Variants in ADTRP observed in about 807,000 individuals in gnomAD.
ADTRP encodes the protein androgen-dependent TFPI-regulating protein.
In ADTRP, 20 loss-of-function variants were observed where a neutral mutation model predicts 27.0. That is an observed-to-expected ratio of 0.74 (90% CI 0.52 to 1.08). The LOEUF (loss-of-function observed/expected upper bound fraction) is 1.08, where lower values mean the gene tolerates loss of function less well. Among genes scored for constraint, ADTRP ranks in the 50% least tolerant of loss-of-function variants. ADTRP has a pLI of 0.00. For missense variants in ADTRP, 251 were observed against 275.0 expected (o/e 0.91, Z 0.62); for synonymous variants, 101 against 105.2 (o/e 0.96, Z 0.25).
rs150229328 is a variant in ADTRP, at chr6:11,758,175, C to A, written c.390+8099G>T. Among the ~76,000 whole-genome samples the A allele has an allele frequency of 2.4e-4, 36 of 152,286 alleles. No homozygotes were observed. In the East Asian group the frequency reaches 6.9e-3, roughly 29 times the overall value. ...CATTCATTGGACCTTATTCTGCACT[C>A]TTTGACAGCATCTTGTGGCTTGTTC... On this transcript the variant is annotated intron_variant, in intron 3 of 5. Coordinates refer to ENST00000414691, the MANE Select transcript of ADTRP (RefSeq NM_032744.4).
At chr6:11,747,226 C>A (rs534180249) in intron 3 of ADTRP, among the ~76,000 whole-genome samples, 4 of 152,182 alleles carry the variant, frequency 2.6e-5, no homozygotes, top group South Asian at 4.1e-4. Flanking sequence ...CAGAATAATA[C>A]AATGTGGCTT....
chr6:11,743,889 C>T (rs1762788932), intron 3 of ADTRP, among the ~76,000 whole-genome samples: 2 of 152,216 alleles, frequency 1.3e-5, no homozygotes. Context: ...ACCCCACTTC[C>T]AGCTGGTGAC....
intron 3 of ADTRP, among the ~76,000 whole-genome samples, chr6:11,756,785 C>A (rs1253587075): frequency 3.0e-4 from 46 of 152,212 alleles, no homozygotes; most frequent in Non-Finnish European, 4.4e-5. Flanking sequence ...ATATTCTAGA[C>A]CCAGCTCTAT....
chr6:11,740,914 TA>T (rs1453627428), intron 3 of ADTRP, among the ~76,000 whole-genome samples: 2 of 152,188 alleles, frequency 1.3e-5, no homozygotes, highest in African/African-American at 4.8e-5. Flanking sequence ...CTATGGGACT[TA>T]AAAAACAACA....
Position 11,768,359 on chromosome 6 carries a change from C to T in ADTRP, c.178G>A (p.Val60Ile). ...TTCAGCACATCATCCAGGCAGGTGA[C>T]CCCGTAGAAAATGGTCTGCAAGAGC... ...NLLLQTIFYGVTCLDDVLKRT... is the reference protein window; with the variant it reads ...NLLLQTIFYGITCLDDVLKRT... Residue 60 changes from valine to isoleucine, a missense_variant, in exon 2 of 6, where the codon GTC becomes ATC. Transcript: ENST00000414691. 1 of 1,614,172 alleles carries T rather than the reference C, an allele frequency of 6.2e-7. No individual in the cohort carries two copies. The highest frequency in any genetic ancestry group is 1.6e-4 in the Middle Eastern group (1 of 6,062).
At position 11,741,048 on chromosome 6, in the gene ADTRP, C is replaced by T. The variant is rs57498237; in HGVS notation, c.391-5365G>A. On this transcript the variant is annotated intron_variant, in intron 3 of 5. Coordinates refer to ENST00000414691, the MANE Select transcript of ADTRP (RefSeq NM_032744.4). ...GGAACTCAAGTGCACAGGCTAGACA[C>T]TACTGTCATTAAAGAGTCAACATTA... Among the ~76,000 whole-genome samples the T allele has an allele frequency of 9.9e-3, 1,508 of 152,256 alleles. 23 individuals are homozygous for T. The highest frequency in any genetic ancestry group is 0.034 in the African/African-American group (1,391 of 41,518).
At chr6:11,752,911 C>A (rs79260876) in intron 3 of ADTRP, among the ~76,000 whole-genome samples, 2,813 of 152,230 alleles carry the variant, frequency 0.018, 47 homozygotes, top group Non-Finnish European at 0.031. Flanking sequence ...TAACGATTTG[C>A]ATGGGTCGTT....
At chr6:11,731,689 T>C (rs1449544828) in intron 4 of ADTRP, among the ~76,000 whole-genome samples, 1 of 152,180 alleles carries the variant, frequency 6.6e-6, no homozygotes, top group Non-Finnish European at 1.5e-5. Context: ...ATCCAATGCA[T>C]GCCTTCCACA....
At chr6:11,774,951 T>C (rs1763904807) in intron 1 of ADTRP, among the ~76,000 whole-genome samples, 1 of 152,158 alleles carries the variant, frequency 6.6e-6, no homozygotes, top group South Asian at 2.1e-4. Flanking sequence ...GGCACTGCCT[T>C]GGTCTCACGC....
chr6:11,736,667 C>A (rs1431741690), intron 3 of ADTRP: 1 of 152,444 alleles, frequency 6.6e-6, no homozygotes. Context: ...ATGTTCTTTG[C>A]AGCCAGTGCA....
intron 3 of ADTRP, among the ~76,000 whole-genome samples, chr6:11,762,243 G>A (rs1055424720): frequency 1.3e-5 from 2 of 152,240 alleles, no homozygotes; most frequent in African/African-American, 2.4e-5. Flanking sequence ...GCCAGGACAG[G>A]TAGGGCACAG....
At chr6:11,738,073 C>T (rs984877518) in intron 3 of ADTRP, among the ~76,000 whole-genome samples, 4 of 152,116 alleles carry the variant, frequency 2.6e-5, no homozygotes, top group African/African-American at 9.7e-5. Flanking sequence ...TGGGGATTGA[C>T]GTGAGTGCGT....
In ADTRP at chr6:11,744,391, A is replaced by T. The variant is rs567525534; in HGVS notation, c.391-8708T>A. Among the ~76,000 whole-genome samples, 42 of 152,366 alleles carry T rather than the reference A, an allele frequency of 2.8e-4. 1 individual carries two copies. Among genetic ancestry groups the T allele is most frequent in the African/African-American group, 1.0e-3 (42 of 41,584 alleles). ...ATGGACTAACATGGGGGCTACAGGA[A>T]AGCCTGTGAACAAGTATGACTCTTG... On this transcript the variant is annotated intron_variant, in intron 3 of 5. Coordinates refer to ENST00000414691, the MANE Select transcript of ADTRP (RefSeq NM_032744.4).
chr6:11,770,206 ACCACCGCTGCCTGGTTC>A, intron 1 of ADTRP: 1 of 872,386 alleles, frequency 1.1e-6, no homozygotes. Flanking sequence ...CACTTCACAA[ACCACCGCTGCCTGGTTC>A]CCACCCCCAG....
At chr6:11,720,759 A>G (rs1363693000) in intron 5 of ADTRP, among the ~76,000 whole-genome samples, 1 of 152,000 alleles carries the variant, frequency 6.6e-6, no homozygotes, top group Non-Finnish European at 1.5e-5. Context: ...TTCTGCCCTA[A>G]CATGCATGTC....
At chr6:11,749,629 C>T (rs1433556227) in intron 3 of ADTRP, among the ~76,000 whole-genome samples, 1 of 152,074 alleles carries the variant, frequency 6.6e-6, no homozygotes, top group African/African-American at 2.4e-5. Flanking sequence ...AGTGTGGCAT[C>T]AAAGGGTTAA....
intron 4 of ADTRP, among the ~76,000 whole-genome samples, chr6:11,730,762 G>A (rs577110477): frequency 6.6e-6 from 1 of 152,356 alleles, no homozygotes; most frequent in South Asian, 2.1e-4. Flanking sequence ...CCAAGGCTGG[G>A]TGACAGCTGC....
chr6:11,733,276 G>T (rs1762444418), intron 4 of ADTRP, among the ~76,000 whole-genome samples: 1 of 152,172 alleles, frequency 6.6e-6, no homozygotes, highest in Non-Finnish European at 1.5e-5. Context: ...TTTCTAATCA[G>T]CTTTCTTACA....
chr6:11,761,813 A>T (rs2080561589), intron 3 of ADTRP, among the ~76,000 whole-genome samples: 2 of 152,124 alleles, frequency 1.3e-5, no homozygotes. Flanking sequence ...TTCCTGGAAA[A>T]ACAGTCTATA....
Sources: allele counts gnomAD v4.1 joint callset (sites outside exome capture counted in the v4.1 genomes callset), GRCh38; gene constraint gnomAD v4.1.1; transcripts MANE v1.5; gene names NCBI Gene and HGNC (gene_info 2026-07-23, HGNC 2026-07-21).